The following LCN1 variants were observed in gnomAD, a reference collection of about 807,000 sequenced individuals.
LCN1 encodes lipocalin 1, also known as lipocalin-1.
LCN1 carries 25 observed loss-of-function variants against 22.3 expected under a neutral mutation model. The ratio of observed to expected loss-of-function variants is 1.12; its 90% confidence interval spans 0.82 to 1.56. LCN1 has a LOEUF of 1.56. Among genes scored for constraint, LCN1 ranks in the 40% most tolerant of loss-of-function variants. LCN1 has a pLI of 0.00. For missense variants in LCN1, 219 were observed against 235.6 expected (o/e 0.93, Z 0.46); for synonymous variants, 85 against 97.6 (o/e 0.87, Z 0.76).
At position 135,523,264 on chromosome 9, in the gene LCN1, T is replaced by C; in HGVS notation, c.254T>C (p.Val85Ala). 1.9e-6 allele frequency: 3 copies of C among 1,612,482 alleles called. No homozygotes were observed. The highest frequency in any genetic ancestry group is 2.5e-6 in the Non-Finnish European group (3 of 1,179,782). Reference sequence around the variant, plus strand: ...GGCCGGTGCCAGGAGGTGAAGGCCGTCCTGGAGAAAACTGACGAGCCGGGA... The same window carrying C: ...GGCCGGTGCCAGGAGGTGAAGGCCGCCCTGGAGAAAACTGACGAGCCGGGA... ...ISGRCQEVKA[V>A]LEKTDEPGKY... Residue 85 changes from valine (V) to alanine (A), a missense_variant, in exon 3 of 7, where the codon GTC becomes GCC. Val to Ala is a moderately conservative substitution (Grantham distance 64). Transcript: ENST00000371781.
At chr9:135,526,017 C>T (rs1831635792) in intron 6 of LCN1, among the ~76,000 whole-genome samples, 2 of 127,094 alleles carry the variant, frequency 1.6e-5, no homozygotes, top group East Asian at 5.0e-4. Flanking sequence ...CCCACCATAG[C>T]CCCCGAGAGC....
chr9:135,523,922 A>C lies in LCN1; in HGVS notation c.335A>C (p.Lys112Thr), dbSNP rs768672080. ...HVAYIIRSHV[K>T]DHYIFYCEGE... ...GCATACATCATCAGGTCGCACGTGAAGGACCACTACATCTTTTACTGTGAG... is the reference window on the plus strand; with the variant it reads ...GCATACATCATCAGGTCGCACGTGACGGACCACTACATCTTTTACTGTGAG... The change falls in exon 4 of 7, where the codon AAG (lysine) becomes ACG (threonine). Residue 112 changes from lysine to threonine, a missense_variant. Lys to Thr is a moderately conservative substitution (Grantham distance 78). Transcript: ENST00000371781. The C allele has an allele frequency of 6.2e-7, 1 of 1,614,136 alleles. No individual in the cohort carries two copies. Among genetic ancestry groups the C allele is most frequent in the South Asian group, 1.1e-5 (1 of 91,076 alleles).
intron 1 of LCN1, 116 bp from the exon 2 acceptor site, chr9:135,521,931 G>C: frequency 6.8e-7 from 1 of 1,475,418 alleles, no homozygotes; most frequent in Admixed American, 2.1e-5. Context: ...GTTAGATTGG[G>C]GAACGTTCCC....
At chr9:135,524,374 C>T (rs146799231) in intron 4 of LCN1, among the ~76,000 whole-genome samples, 108 of 152,300 alleles carry the variant, frequency 7.1e-4, no homozygotes, top group African/African-American at 2.5e-3. Flanking sequence ...ATGGAAAGAA[C>T]GTTCCAGCTC....
In LCN1 at chr9:135,522,136, G is replaced by A. The variant is rs150536266; in HGVS notation, c.180G>A (p.Thr60=). Residue 60 remains threonine (T), a synonymous_variant, in exon 2 of 7, where the codon ACG becomes ACA. Coordinates refer to ENST00000371781, the MANE Select transcript of LCN1 (RefSeq NM_002297.4). ...AATCGGTGACACCCATGACCCTCAC[G>A]ACCCTGGAAGGGGGCAACCTGGAAG... ...NLESVTPMTL[T]TLEGGNLEAK... is the part of the protein sequence containing the mutation. 6.3e-4 allele frequency: 1,010 copies of A among 1,600,958 alleles called. 10 individuals are homozygous for A. The African/African-American group carries it at 9.5e-3, about 15-fold the overall frequency.
intron 4 of LCN1, 47 bp downstream of exon 4, chr9:135,524,037 C>A (rs1232715149): frequency 7.1e-7 from 1 of 1,416,918 alleles, no homozygotes; most frequent in Non-Finnish European, 9.9e-7. Flanking sequence ...CACCTGCCCT[C>A]CCTCCTCCCT....
chr9:135,523,354 G>A lies in LCN1; in HGVS notation c.292+52G>A, dbSNP rs755364188. On this transcript the variant is annotated intron_variant, in intron 3 of 6. Transcript: ENST00000371781. ...CTGAGCTTGAACACACGCTGGATGT[G>A]CGGGGGCAGCCAGTGCCTTTTTGGG... The A allele has an allele frequency of 3.2e-6, 5 of 1,552,056 alleles. 1 individual carries two copies. In the South Asian group the frequency reaches 5.9e-5, roughly 18 times the overall value.
rs551507348 is a variant in LCN1, at chr9:135,523,371, C to A, written c.292+69C>A. 55 of 1,461,168 alleles carry A rather than the reference C, an allele frequency of 3.8e-5. No individual in the cohort carries two copies. In the South Asian group the frequency reaches 6.7e-4, roughly 18 times the overall value. 90.5% of individuals were successfully genotyped at this position (1,461,168 alleles called of 1,614,324 possible). A position where few individuals can be genotyped will look rare whatever the true frequency, so the allele number is the denominator to read the frequency against. On this transcript the variant is annotated intron_variant, in intron 3 of 6. Transcript: ENST00000371781. ...CTGGATGTGCGGGGGCAGCCAGTGC[C>A]TTTTTGGGGTGGCCTTTTGGCCTGG...
rs55773005 is a variant in LCN1 at position 135,524,719 on chromosome 9, C to T, written c.404-111C>T. ...GAGGGCCTCTGGGTTCAATTCCCCC[C>T]ACGGTGGGCGAGGTCCCCTTCCCCA... On this transcript the variant is annotated intron_variant, in intron 4 of 6. Transcript: ENST00000371781. The T allele has an allele frequency of 6.3e-6, 5 of 795,070 alleles. No homozygotes were observed. In the Admixed American group the frequency reaches 1.4e-4, roughly 23 times the overall value. 49.3% of individuals were successfully genotyped at this position (795,070 alleles called of 1,614,324 possible). A position where few individuals can be genotyped will look rare whatever the true frequency, so the allele number is the denominator to read the frequency against.
In LCN1 at chr9:135,525,385, C is replaced by T. The variant is rs150315597; in HGVS notation, c.*1+227C>T. 7.4e-4 allele frequency among the ~76,000 whole-genome samples: 113 copies of T among 152,280 alleles called. 1 individual carries two copies. The highest frequency in any genetic ancestry group is 2.3e-3 in the African/African-American group (97 of 41,564). ...CTGGGCAGCTGGGAAGCCCACAGCG[C>T]TGAGCCCGCCTTTGCTGGCTGCTGG... On this transcript the variant is annotated intron_variant, in intron 6 of 6. Transcript: ENST00000371781.
rs1468550396 is a variant in LCN1, at chr9:135,526,336, C to T, written c.*2-8C>T. ...TCCTGGCCTCACTCACCCTCCCCCC[C>T]TTTCCAGGGCAGGGGACACCTTGGC... is the stretch of plus-strand genomic sequence containing the variant. On this transcript the variant is annotated splice_polypyrimidine_tract_variant and splice_region_variant and intron_variant, in intron 6 of 6. Coordinates refer to ENST00000371781, the MANE Select transcript of LCN1 (RefSeq NM_002297.4). 8.0e-7 allele frequency: 1 copy of T among 1,250,748 alleles called. No homozygotes were observed. Among genetic ancestry groups the T allele is most frequent in the Non-Finnish European group, 1.0e-6 (1 of 968,006 alleles). The allele number at this position is 1,250,748 out of a possible 1,614,324, so 77.5% of individuals were successfully genotyped here. A position where few individuals can be genotyped will look rare whatever the true frequency, so the allele number is the denominator to read the frequency against.
chr9:135,522,783 G>A (rs1831531029), intron 2 of LCN1, among the ~76,000 whole-genome samples: 1 of 152,212 alleles, frequency 6.6e-6, no homozygotes, highest in Non-Finnish European at 1.5e-5. Context: ...CCCTGGCAAT[G>A]ACCCCGATTT....
Position 135,525,152 on chromosome 9 carries a change from G to C in LCN1, c.526G>C (p.Asp176His). 6.2e-7 allele frequency: 1 copy of C among 1,613,634 alleles called. No homozygotes were observed. Among genetic ancestry groups the C allele is most frequent in the Non-Finnish European group, 8.5e-7 (1 of 1,179,736 alleles). Residue 176 changes from aspartate (D) to histidine (H), a missense_variant, in exon 6 of 7, where the codon GAT becomes CAT. Physicochemically the swap from Asp to His is moderately conservative, Grantham distance 81. Coordinates refer to ENST00000371781, the MANE Select transcript of LCN1 (RefSeq NM_002297.4). Reference sequence around the variant, plus strand: ...TGCAGAAACCTGCTCTCCAGGGAGCGATTAGGGTGAGTGAACAGCTTTAGA... The same window carrying C: ...TGCAGAAACCTGCTCTCCAGGGAGCCATTAGGGTGAGTGAACAGCTTTAGA... ...RQSETCSPGS[D>H]
At chr9:135,526,308 C>T (rs1325814920) in intron 6 of LCN1, 36 bp from the exon 7 acceptor site, 2 of 1,085,758 alleles carry the variant, frequency 1.8e-6, no homozygotes, top group Middle Eastern at 2.4e-4. Flanking sequence ...CCCACCCTTG[C>T]TGTCCTGGCC....
chr9:135,523,194 G>A (rs770618542), intron 2 of LCN1, 38 bp from the exon 3 acceptor site: 2 of 1,599,886 alleles, frequency 1.3e-6, no homozygotes, highest in Admixed American at 1.7e-5. Context: ...GGGAGGCACA[G>A]GCCAGGGCCG....
In LCN1 at chr9:135,526,342, A is replaced by G; in HGVS notation, c.*2-2A>G. On this transcript the variant is annotated splice_acceptor_variant, in intron 6 of 6. Coordinates refer to ENST00000371781, the MANE Select transcript of LCN1 (RefSeq NM_002297.4). LOFTEE classifies it low-confidence loss of function (3UTR_SPLICE). Reference sequence around the variant, plus strand: ...CCTCACTCACCCTCCCCCCCTTTCCAGGGCAGGGGACACCTTGGCTCCTCA... The same window carrying G: ...CCTCACTCACCCTCCCCCCCTTTCCGGGGCAGGGGACACCTTGGCTCCTCA... The G allele has an allele frequency of 9.2e-7, 1 of 1,085,448 alleles. No individual in the cohort carries two copies. Among genetic ancestry groups the G allele is most frequent in the Non-Finnish European group, 1.1e-6 (1 of 885,066 alleles). The allele number at this position is 1,085,448 out of a possible 1,614,324, so 67.2% of individuals were successfully genotyped here. A position where few individuals can be genotyped will look rare whatever the true frequency, so the allele number is the denominator to read the frequency against.
intron 1 of LCN1, among the ~76,000 whole-genome samples, chr9:135,521,805 C>T (rs1831502399): frequency 2.0e-5 from 3 of 151,962 alleles, no homozygotes; most frequent in Non-Finnish European, 2.9e-5. Context: ...GGGTGGGGGT[C>T]TGGCTGACTT....
At position 135,526,475 on chromosome 9, in the gene LCN1, C is replaced by A. The variant is rs1027731541; in HGVS notation, c.*133C>A. On this transcript the variant is annotated 3_prime_UTR_variant, in exon 7 of 7. Coordinates refer to ENST00000371781, the MANE Select transcript of LCN1 (RefSeq NM_002297.4). ...GGCTGCACCCCTTCCTACCACCCCC[C>A]GCCTTCCCCCTGCCCTGCGCCCCCT... 2.0e-5 allele frequency: 26 copies of A among 1,281,832 alleles called. No individual in the cohort carries two copies. In the Admixed American group the frequency reaches 5.6e-4, roughly 27 times the overall value. 79.4% of individuals were successfully genotyped at this position (1,281,832 alleles called of 1,614,324 possible). A position where few individuals can be genotyped will look rare whatever the true frequency, so the allele number is the denominator to read the frequency against.
rs1228499973 is a variant in LCN1, at chr9:135,523,900, T to C, written c.313T>C (p.Tyr105His). The change falls in exon 4 of 7, where the codon TAC (tyrosine) becomes CAC (histidine). Residue 105 changes from tyrosine to histidine, a missense_variant. Tyr to His is a moderately conservative substitution (Grantham distance 83). Transcript: ENST00000371781. ...YTADGGKHVA[Y>H]IIRSHVKDHY... ...TGCAGACGGGGGCAAGCACGTGGCATACATCATCAGGTCGCACGTGAAGGA... is the reference window on the plus strand; with the variant it reads ...TGCAGACGGGGGCAAGCACGTGGCACACATCATCAGGTCGCACGTGAAGGA... The C allele has an allele frequency of 6.2e-7, 1 of 1,614,088 alleles. No individual in the cohort carries two copies. Among genetic ancestry groups the C allele is most frequent in the Non-Finnish European group, 8.5e-7 (1 of 1,179,966 alleles).
Sources: gnomAD v4.1 joint callset for allele counts (sites outside exome capture counted in the v4.1 genomes callset) on GRCh38, gnomAD v4.1.1 for gene constraint, MANE v1.5 for transcripts, NCBI Gene and HGNC (gene_info 2026-07-23, HGNC 2026-07-21) for gene names.